SDC2: variants seen among roughly 807,000 people sequenced by gnomAD.
The protein encoded by SDC2 is syndecan-2.
Under a neutral mutation model 22.2 loss-of-function variants are expected in SDC2, and 13 were observed. The observed-to-expected ratio is 0.59, with a 90% CI of 0.38 to 0.93. The LOEUF (loss-of-function observed/expected upper bound fraction) is 0.93. SDC2 is among the 40% of genes least tolerant of loss of function. The pLI is 0.00. For synonymous variants in SDC2, 94 were observed against 92.8 expected (o/e 1.01, Z -0.07); for missense variants, 235 against 246.8 (o/e 0.95, Z 0.32).
At chr8:96,562,089 TC>T (rs894700232) in intron 1 of SDC2, among the ~76,000 whole-genome samples, 1 of 152,088 alleles carries the variant, frequency 6.6e-6, no homozygotes, top group African/African-American at 2.4e-5. Context: ...CATTTTGATT[TC>T]CCCCCCATTG....
chr8:96,506,295 AG>A (rs1563641070), intron 1 of SDC2, among the ~76,000 whole-genome samples: 1 of 152,210 alleles, frequency 6.6e-6, no homozygotes, highest in East Asian at 1.9e-4. Flanking sequence ...TATTTCTATC[AG>A]GGGAGAAAGT....
At chr8:96,512,297 GA>G (rs1813340981) in intron 1 of SDC2, among the ~76,000 whole-genome samples, 1 of 152,170 alleles carries the variant, frequency 6.6e-6, no homozygotes. Context: ...AACCAGGAGC[GA>G]CTTCTCCTCT....
intron 1 of SDC2, among the ~76,000 whole-genome samples, chr8:96,542,598 T>C (rs1486032518): frequency 6.6e-6 from 1 of 152,144 alleles, no homozygotes; most frequent in Non-Finnish European, 1.5e-5. Flanking sequence ...CACACTGACC[T>C]GAACTTAGCA....
intron 1 of SDC2, among the ~76,000 whole-genome samples, chr8:96,583,881 TTAC>T (rs1339360672): frequency 6.6e-6 from 1 of 151,814 alleles, no homozygotes; most frequent in Non-Finnish European, 1.5e-5. Flanking sequence ...GCATAATTAT[TTAC>T]CAGACATAGT....
chr8:96,606,881 A>G (rs904422802), intron 3 of SDC2, among the ~76,000 whole-genome samples: 46 of 152,336 alleles, frequency 3.0e-4, no homozygotes, highest in African/African-American at 9.4e-4. Context: ...ATAGAACTGC[A>G]TGAACTAGAG....
chr8:96,499,945 A>G (rs962915482), intron 1 of SDC2, among the ~76,000 whole-genome samples: 2 of 152,196 alleles, frequency 1.3e-5, no homozygotes, highest in African/African-American at 2.4e-5. Context: ...TTGACACTGC[A>G]TGCTGAAGTG....
At chr8:96,531,212 G>A (rs1016782585) in intron 1 of SDC2, among the ~76,000 whole-genome samples, 1 of 152,360 alleles carries the variant, frequency 6.6e-6, no homozygotes, top group African/African-American at 2.4e-5. Flanking sequence ...CAGTGAATTA[G>A]TGACATTATG....
intron 1 of SDC2, among the ~76,000 whole-genome samples, chr8:96,587,177 G>A (rs1373304556): frequency 6.6e-6 from 1 of 152,162 alleles, no homozygotes; most frequent in Non-Finnish European, 1.5e-5. Flanking sequence ...GCCTGCCTTG[G>A]CCTCCCAAAG....
chr8:96,576,364 G>GTTTTTTTTTTTTT (rs1291289471), intron 1 of SDC2, among the ~76,000 whole-genome samples: 2 of 19,174 alleles, frequency 1.0e-4, no homozygotes, highest in African/African-American at 1.4e-4. Context: ...ATAATTGGTA[G>GTTTTTTTTTTTTT]TTTGTTTTTG....
At chr8:96,599,278 T>A (rs1418817932) in intron 2 of SDC2, among the ~76,000 whole-genome samples, 2 of 152,112 alleles carry the variant, frequency 1.3e-5, no homozygotes, top group Non-Finnish European at 2.9e-5. Context: ...TAAGGGGGAT[T>A]TTCTACGTTA....
chr8:96,547,056 A>G (rs1813945824), intron 1 of SDC2, among the ~76,000 whole-genome samples: 3 of 152,162 alleles, frequency 2.0e-5, no homozygotes, highest in Non-Finnish European at 1.5e-5. Context: ...GGGTGTGACA[A>G]TTTTTTAAAA....
At chr8:96,511,335 C>A (rs998424828) in intron 1 of SDC2, among the ~76,000 whole-genome samples, 1 of 152,130 alleles carries the variant, frequency 6.6e-6, no homozygotes, top group Non-Finnish European at 1.5e-5. Context: ...AAATGAGGGT[C>A]CCAGACCAGC....
intron 1 of SDC2, among the ~76,000 whole-genome samples, chr8:96,562,836 AC>A (rs1814232454): frequency 6.6e-6 from 1 of 152,002 alleles, no homozygotes; most frequent in South Asian, 2.1e-4. Flanking sequence ...CCATTTGGGG[AC>A]TTGGATGGTT....
intron 1 of SDC2, among the ~76,000 whole-genome samples, chr8:96,538,360 C>T (rs1045823721): frequency 6.6e-6 from 1 of 152,078 alleles, no homozygotes; most frequent in Non-Finnish European, 1.5e-5. Flanking sequence ...ATGAATGTAC[C>T]TCTTAAATAC....
In SDC2 at chr8:96,508,252, C is replaced by T. The variant is rs188499871; in HGVS notation, c.60+13921C>T. ...CGGAGCTTGCAGTGAGCAGAGATCG[C>T]GCCACTGCACTCCAGCCTGGGCAAC... On this transcript the variant is annotated intron_variant, in intron 1 of 4. Transcript: ENST00000302190. Among the ~76,000 whole-genome samples the T allele has an allele frequency of 8.8e-3, 1,326 of 150,178 alleles. 15 individuals are homozygous for T. The highest frequency in any genetic ancestry group is 0.03 in the African/African-American group (1,241 of 40,872).
intron 1 of SDC2, among the ~76,000 whole-genome samples, chr8:96,578,424 G>A (rs1814538760): frequency 1.3e-5 from 2 of 152,130 alleles, no homozygotes; most frequent in South Asian, 2.1e-4. Flanking sequence ...CTGTTATTTC[G>A]GACAGTGCAG....
At chr8:96,534,753 A>G (rs750173069) in intron 1 of SDC2, among the ~76,000 whole-genome samples, 1 of 151,342 alleles carries the variant, frequency 6.6e-6, no homozygotes, top group Non-Finnish European at 1.5e-5. Context: ...TTCACTTTCT[A>G]TTAATGGTTC....
At chr8:96,521,604 ACT>A (rs1184769301) in intron 1 of SDC2, among the ~76,000 whole-genome samples, 4 of 152,038 alleles carry the variant, frequency 2.6e-5, no homozygotes, top group East Asian at 1.9e-4. Context: ...GTAACAAAAG[ACT>A]CTGTCAAAAA....
At chr8:96,544,479 C>T (rs1252903620) in intron 1 of SDC2, among the ~76,000 whole-genome samples, 1 of 152,112 alleles carries the variant, frequency 6.6e-6, no homozygotes, top group Non-Finnish European at 1.5e-5. Flanking sequence ...GAAATGCTGC[C>T]GCCTCAATGA....
Sources: gnomAD v4.1 joint callset for allele counts (sites outside exome capture counted in the v4.1 genomes callset) on GRCh38, gnomAD v4.1.1 for gene constraint, MANE v1.5 for transcripts, NCBI Gene and HGNC (gene_info 2026-07-23, HGNC 2026-07-21) for gene names.